The following DIAPH2 variants were observed in gnomAD, a reference collection of about 807,000 sequenced individuals.
The protein encoded by DIAPH2 is protein diaphanous homolog 2.
DIAPH2 carries 35 observed loss-of-function variants against 92.7 expected under a neutral mutation model. The ratio of observed to expected loss-of-function variants is 0.38; its 90% CI spans 0.29 to 0.50. DIAPH2 has a LOEUF of 0.50. Among genes scored for constraint, DIAPH2 ranks in the 20% least tolerant of loss-of-function variants. The probability of loss-of-function intolerance (pLI) is 0.94; values close to 1 mark genes in which losing one functional copy is unlikely to be tolerated. For missense variants in DIAPH2, 701 were observed against 819.5 expected, an observed-to-expected ratio of 0.86 and a Z score of 1.77; for synonymous variants, 301 against 280.4, an observed-to-expected ratio of 1.07 and a Z score of -0.73.
At chrX:97,390,864 A>G (rs1448409689) in intron 25 of DIAPH2, among the ~76,000 whole-genome samples, 1 of 112,342 alleles carries the variant, frequency 8.9e-6, no homozygotes, top group Non-Finnish European at 1.9e-5. Context: ...GTTTTTATGC[A>G]TATGCTCAGC....
chrX:96,964,559 C>T (rs977850989), intron 16 of DIAPH2, among the ~76,000 whole-genome samples: 5 of 111,686 alleles, frequency 4.5e-5, no homozygotes, highest in Non-Finnish European at 7.5e-5. Context: ...GCCACTTAAA[C>T]TTTCTTGGGC....
intron 22 of DIAPH2, among the ~76,000 whole-genome samples, chrX:97,224,914 T>C (rs934343055): frequency 9.0e-6 from 1 of 111,225 alleles, no homozygotes; most frequent in African/African-American, 3.3e-5. Flanking sequence ...GAATTTAACA[T>C]GTTGACTGAG....
At chrX:97,368,585 C>T (rs1381419148) in intron 24 of DIAPH2, among the ~76,000 whole-genome samples, 1 of 111,534 alleles carries the variant, frequency 9.0e-6, no homozygotes. Context: ...AGTTAGAAGT[C>T]CTAATGCTTT....
chrX:96,844,007 G>C (rs962518528), intron 4 of DIAPH2, among the ~76,000 whole-genome samples: 3 of 112,178 alleles, frequency 2.7e-5, no homozygotes, highest in Non-Finnish European at 5.6e-5. Context: ...ACCCTATGTG[G>C]TAGGTTACCA....
intron 26 of DIAPH2, among the ~76,000 whole-genome samples, chrX:97,454,946 C>T (rs1474611601): frequency 8.9e-6 from 1 of 111,978 alleles, no homozygotes. Context: ...AACAAATAGA[C>T]ACACCTCAAA....
intron 25 of DIAPH2, among the ~76,000 whole-genome samples, chrX:97,398,736 A>G (rs962134752): frequency 2.1e-4 from 22 of 107,203 alleles, no homozygotes; most frequent in African/African-American, 7.3e-4. Context: ...CTTCTGAAGG[A>G]TGTGATTTTT....
At chrX:97,523,959 T>A (rs1020066352) in intron 26 of DIAPH2, among the ~76,000 whole-genome samples, 3 of 111,998 alleles carry the variant, frequency 2.7e-5, no homozygotes, top group Non-Finnish European at 5.6e-5. Flanking sequence ...AGATTTCTTT[T>A]AAGAAAAAGA....
chrX:96,965,901 A>T (rs1010546018), intron 17 of DIAPH2, among the ~76,000 whole-genome samples: 23 of 111,085 alleles, frequency 2.1e-4, no homozygotes, highest in Admixed American at 1.9e-4. Flanking sequence ...TTATTTCACT[A>T]ATTATTGTAG....
At chrX:97,373,792 G>A (rs1421451077) in intron 24 of DIAPH2, among the ~76,000 whole-genome samples, 2 of 108,743 alleles carry the variant, frequency 1.8e-5, no homozygotes, top group Non-Finnish European at 3.8e-5. Flanking sequence ...TTTTAGTAGA[G>A]ACGGGGTTTC....
intron 1 of DIAPH2, among the ~76,000 whole-genome samples, chrX:96,706,939 T>G (rs2063888722): frequency 9.0e-6 from 1 of 111,156 alleles, no homozygotes; most frequent in Admixed American, 9.5e-5. Flanking sequence ...AATCTTTGGG[T>G]GGAGGTATAT....
intron 26 of DIAPH2, among the ~76,000 whole-genome samples, chrX:97,515,308 A>G (rs780295306): frequency 1.1e-4 from 12 of 112,576 alleles, no homozygotes; most frequent in African/African-American, 3.5e-4. Flanking sequence ...TTTGACCAGG[A>G]AAGGGAACTC....
At chrX:97,033,426 C>T (rs1323528373) in intron 17 of DIAPH2, among the ~76,000 whole-genome samples, 1 of 111,737 alleles carries the variant, frequency 8.9e-6, no homozygotes, top group African/African-American at 3.2e-5. Context: ...GAAAGGTCAT[C>T]TCCATTAGTC....
intron 4 of DIAPH2, among the ~76,000 whole-genome samples, chrX:96,799,146 C>CT (rs985170699): frequency 5.5e-5 from 6 of 109,105 alleles, no homozygotes; most frequent in Non-Finnish European, 1.1e-4. Context: ...TCCCATCTCT[C>CT]TTTTTTCAGT....
At chrX:97,583,205 T>C (rs964161847) in intron 26 of DIAPH2, among the ~76,000 whole-genome samples, 18 of 112,496 alleles carry the variant, frequency 1.6e-4, no homozygotes, top group Non-Finnish European at 3.2e-4. Flanking sequence ...AGCTTTGTTC[T>C]GCTGCTGGTG....
intron 21 of DIAPH2, among the ~76,000 whole-genome samples, chrX:97,133,571 G>A (rs777772413): frequency 8.9e-6 from 1 of 112,291 alleles, no homozygotes; most frequent in Admixed American, 9.4e-5. Context: ...ATAGGCGTGA[G>A]CCACTACGTC....
chrX:96,688,587 T>C (rs1338694684), intron 1 of DIAPH2, among the ~76,000 whole-genome samples: 3 of 112,070 alleles, frequency 2.7e-5, no homozygotes, highest in Non-Finnish European at 5.6e-5. Context: ...TCCACCCACC[T>C]CCACCTCCCA....
At chrX:97,503,130 G>A (rs1169335840) in intron 26 of DIAPH2, among the ~76,000 whole-genome samples, 2 of 112,096 alleles carry the variant, frequency 1.8e-5, no homozygotes, top group African/African-American at 6.5e-5. Context: ...AGATATGGAA[G>A]CACAAAGTAG....
At chrX:96,732,006 G>A (rs1423741790) in intron 1 of DIAPH2, among the ~76,000 whole-genome samples, 2 of 110,419 alleles carry the variant, frequency 1.8e-5, no homozygotes, top group African/African-American at 6.6e-5. Context: ...AAAGATTTTT[G>A]GGGGGGTCAT....
At chrX:96,689,471 C>T (rs2063788105) in intron 1 of DIAPH2, among the ~76,000 whole-genome samples, 1 of 108,795 alleles carries the variant, frequency 9.2e-6, no homozygotes, top group Non-Finnish European at 1.9e-5. Flanking sequence ...TATTTGGAGA[C>T]CTGGATTCCA....
Sources: allele counts gnomAD v4.1 joint callset (sites outside exome capture counted in the v4.1 genomes callset), GRCh38; gene constraint gnomAD v4.1.1; transcripts MANE v1.5; gene names NCBI Gene and HGNC (gene_info 2026-07-23, HGNC 2026-07-21).